NTNG1: variants seen among roughly 807,000 people sequenced by gnomAD.
The protein encoded by NTNG1 is netrin G1.
In NTNG1, 16 loss-of-function variants were observed where a neutral mutation model predicts 54.0. That is an observed-to-expected ratio of 0.30 (90% confidence interval 0.20 to 0.45). The LOEUF is 0.45. Among genes scored for constraint, NTNG1 ranks in the 20% least tolerant of loss-of-function variants. The pLI, the probability that NTNG1 is intolerant of heterozygous loss-of-function variation, is 1.00. For synonymous variants in NTNG1, 255 were observed against 263.1 expected (o/e 0.97, Z 0.30); for missense variants, 530 against 678.7 (o/e 0.78, Z 2.43).
rs952665106 is a variant in NTNG1 at position 107,436,538 on chromosome 1, G to A, written c.1256-127G>A. On this transcript the variant is annotated intron_variant, in intron 6 of 7. Coordinates refer to ENST00000370068, the MANE Select transcript of NTNG1 (RefSeq NM_001113226.3). ...TGGTTGTGAAATAGCCATATTTGCCGAAGCATTTCATTAATGGACATCTTT... is the reference window on the plus strand; with the variant it reads ...TGGTTGTGAAATAGCCATATTTGCCAAAGCATTTCATTAATGGACATCTTT... 2.3e-5 allele frequency: 16 copies of A among 705,060 alleles called. No homozygotes were observed. The South Asian group carries it at 3.0e-4, about 13-fold the overall frequency. The allele number at this position is 705,060 out of a possible 1,614,324, so 43.7% of individuals were successfully genotyped here. A position where few individuals can be genotyped will look rare whatever the true frequency, so the allele number is the denominator to read the frequency against.
intron 2 of NTNG1, among the ~76,000 whole-genome samples, chr1:107,195,197 C>T (rs1658232207): frequency 6.6e-6 from 1 of 151,982 alleles, no homozygotes; most frequent in Admixed American, 6.6e-5. Flanking sequence ...TTCTGAACCT[C>T]AGTTTCTTGA....
At chr1:107,408,236 G>T in intron 5 of NTNG1, 1 of 209,542 alleles carries the variant, frequency 4.8e-6, no homozygotes, top group Non-Finnish European at 9.7e-6. Context: ...GCAAATTTGT[G>T]ATCAGTAGTC....
At chr1:107,155,037 C>A (rs1048031530) in intron 2 of NTNG1, among the ~76,000 whole-genome samples, 5 of 152,044 alleles carry the variant, frequency 3.3e-5, no homozygotes, top group Non-Finnish European at 7.4e-5. Flanking sequence ...TGCTTTTAAT[C>A]TAGAGGATCA....
intron 2 of NTNG1, among the ~76,000 whole-genome samples, chr1:107,248,980 C>T (rs914502016): frequency 1.4e-5 from 2 of 145,616 alleles, no homozygotes; most frequent in Admixed American, 1.4e-4. Context: ...GAAACTCTGT[C>T]TCTACTAAAA....
At chr1:107,408,651 A>T (rs917586785) in intron 5 of NTNG1, 2 of 151,962 alleles carry the variant, frequency 1.3e-5, no homozygotes, top group African/African-American at 4.8e-5. Flanking sequence ...TGCACCCTTT[A>T]TCTCTAATGG....
intron 2 of NTNG1, among the ~76,000 whole-genome samples, chr1:107,229,821 G>A (rs970152810): frequency 2.0e-5 from 3 of 151,858 alleles, no homozygotes; most frequent in African/African-American, 7.3e-5. Flanking sequence ...TGTGAATTCT[G>A]TTGGAAATAG....
chr1:107,361,906 T>C lies in NTNG1; in HGVS notation c.888-33248T>C, dbSNP rs529391619. Among the ~76,000 whole-genome samples, 3 of 152,260 alleles carry C rather than the reference T, an allele frequency of 2.0e-5. No individual in the cohort carries two copies. In the East Asian group the frequency reaches 5.8e-4, roughly 29 times the overall value. On this transcript the variant is annotated intron_variant, in intron 3 of 7. Transcript: ENST00000370068. ...TAGCATCTTGGCTTATGCTACACTA[T>C]TTTGTAGAATCTTAGAGCGTGGCTG...
At chr1:107,314,712 A>T (rs1475949278) in intron 2 of NTNG1, among the ~76,000 whole-genome samples, 2 of 152,186 alleles carry the variant, frequency 1.3e-5, no homozygotes, top group African/African-American at 4.8e-5. Flanking sequence ...TTACTTGAAG[A>T]TCTCAATGTA....
intron 3 of NTNG1, among the ~76,000 whole-genome samples, chr1:107,353,520 A>G (rs1570746796): frequency 6.6e-6 from 1 of 151,816 alleles, no homozygotes; most frequent in East Asian, 1.9e-4. Flanking sequence ...CACTATTCAC[A>G]TTTTTGTCAC....
At chr1:107,277,621 A>G (rs916112844) in intron 2 of NTNG1, among the ~76,000 whole-genome samples, 1 of 152,232 alleles carries the variant, frequency 6.6e-6, no homozygotes, top group African/African-American at 2.4e-5. Flanking sequence ...AAGAAAAATC[A>G]AAGGTATCTT....
At position 107,354,447 on chromosome 1, in the gene NTNG1, C is replaced by T. The variant is rs142067145; in HGVS notation, c.887+29525C>T. 6.5e-4 allele frequency among the ~76,000 whole-genome samples: 74 copies of T among 114,694 alleles called. No individual in the cohort carries two copies. In the East Asian group the frequency reaches 9.3e-3, roughly 14 times the overall value. The allele number at this position is 114,694 out of a possible 152,430, so 75.2% of individuals were successfully genotyped here. The stretch of plus-strand genomic sequence containing the variant: ...TTGTGCCACTGCACTCCAGCCTGGA[C>T]GACAAACTGAGACTCCATCTCAAAA... On this transcript the variant is annotated intron_variant, in intron 3 of 7. Transcript: ENST00000370068.
intron 2 of NTNG1, among the ~76,000 whole-genome samples, chr1:107,178,308 T>A (rs547560516): frequency 3.5e-4 from 53 of 152,314 alleles, no homozygotes; most frequent in African/African-American, 1.1e-3. Context: ...TTTTCTTCAA[T>A]TCTTATCAGC....
At chr1:107,366,607 G>T (rs1670607316) in intron 3 of NTNG1, among the ~76,000 whole-genome samples, 1 of 152,128 alleles carries the variant, frequency 6.6e-6, no homozygotes, top group Admixed American at 6.6e-5. Flanking sequence ...ATATTTAAAG[G>T]TACTCGAAAG....
intron 3 of NTNG1, among the ~76,000 whole-genome samples, chr1:107,358,877 G>A (rs754008176): frequency 2.0e-5 from 3 of 152,154 alleles, no homozygotes; most frequent in Non-Finnish European, 4.4e-5. Flanking sequence ...TGACAGATTA[G>A]TTTATGCTAG....
At chr1:107,262,351 G>C (rs919144548) in intron 2 of NTNG1, among the ~76,000 whole-genome samples, 2 of 152,176 alleles carry the variant, frequency 1.3e-5, no homozygotes, top group Non-Finnish European at 2.9e-5. Flanking sequence ...TCAGGGAGAA[G>C]AGGGCAGTAG....
At chr1:107,225,346 G>T (rs1177610342) in intron 2 of NTNG1, among the ~76,000 whole-genome samples, 2 of 151,800 alleles carry the variant, frequency 1.3e-5, no homozygotes, top group Non-Finnish European at 2.9e-5. Context: ...CCTGTTGATG[G>T]GACAAAGGAA....
intron 2 of NTNG1, among the ~76,000 whole-genome samples, chr1:107,292,862 T>C (rs1457221617): frequency 6.6e-6 from 1 of 152,170 alleles, no homozygotes; most frequent in Non-Finnish European, 1.5e-5. Flanking sequence ...CACTTGTCTT[T>C]CAAGTTACCC....
chr1:107,332,672 A>G (rs998091385), intron 3 of NTNG1, among the ~76,000 whole-genome samples: 16 of 152,096 alleles, frequency 1.1e-4, no homozygotes, highest in Non-Finnish European at 2.2e-4. Context: ...TTCAGTAAAG[A>G]GACTATTTCC....
At chr1:107,381,403 C>T (rs544555791) in intron 3 of NTNG1, among the ~76,000 whole-genome samples, 1 of 137,860 alleles carries the variant, frequency 7.3e-6, no homozygotes, top group South Asian at 2.4e-4. Context: ...TAATTTGTTT[C>T]GTAAGCATTG....
Sources: allele counts gnomAD v4.1 joint callset (sites outside exome capture counted in the v4.1 genomes callset), GRCh38; gene constraint gnomAD v4.1.1; transcripts MANE v1.5; gene names NCBI Gene and HGNC (gene_info 2026-07-23, HGNC 2026-07-21).